NELL2: variants seen among roughly 807,000 people sequenced by gnomAD.
NELL2 encodes the protein neural EGFL like 2, also known as protein kinase C-binding protein NELL2.
NELL2 carries 41 observed loss-of-function variants against 109.6 expected under a neutral mutation model. The ratio of observed to expected loss-of-function variants is 0.37; its 90% CI spans 0.29 to 0.49. NELL2 has a LOEUF of 0.49. NELL2 is among the 20% of genes least tolerant of loss of function. NELL2 has a pLI of 0.98. For missense variants in NELL2, 900 were observed against 1,008.3 expected, an observed-to-expected ratio of 0.89 and a Z score of 1.45; for synonymous variants, 355 against 344.7, an observed-to-expected ratio of 1.03 and a Z score of -0.33.
At chr12:44,662,672 C>G (rs975218736) in intron 13 of NELL2, among the ~76,000 whole-genome samples, 7 of 152,072 alleles carry the variant, frequency 4.6e-5, no homozygotes, top group Non-Finnish European at 8.8e-5. Context: ...CTAGGTTAAA[C>G]AAATAAAGCA....
intron 15 of NELL2, among the ~76,000 whole-genome samples, chr12:44,592,404 T>G (rs763406002): frequency 6.6e-6 from 1 of 152,176 alleles, no homozygotes; most frequent in Non-Finnish European, 1.5e-5. Flanking sequence ...TAGGAAAATA[T>G]CTTGATTACT....
At chr12:44,550,928 C>T (rs11182536) in intron 15 of NELL2, among the ~76,000 whole-genome samples, 15,958 of 152,106 alleles carry the variant, frequency 0.1, 2,822 homozygotes, top group African/African-American at 0.36. Context: ...TAAGTAAGTT[C>T]TGGGTATCTA....
At chr12:44,594,144 G>A (rs183946159) in intron 15 of NELL2, among the ~76,000 whole-genome samples, 5 of 151,708 alleles carry the variant, frequency 3.3e-5, no homozygotes, top group Non-Finnish European at 7.4e-5. Flanking sequence ...CCTGTTGGGG[G>A]TGGCGGGATA....
At chr12:44,650,770 TC>T in intron 13 of NELL2, among the ~76,000 whole-genome samples, 1 of 141,054 alleles carries the variant, frequency 7.1e-6, no homozygotes, top group South Asian at 2.1e-4. Context: ...TTTCTTTCTT[TC>T]TTTCTTTCTT....
At chr12:44,598,807 C>T (rs1462870635) in intron 15 of NELL2, among the ~76,000 whole-genome samples, 1 of 151,034 alleles carries the variant, frequency 6.6e-6, no homozygotes, top group East Asian at 1.9e-4. Context: ...CCAGCATAGG[C>T]AGAATCCTTG....
intron 9 of NELL2, among the ~76,000 whole-genome samples, chr12:44,728,708 C>T (rs1939207558): frequency 6.6e-6 from 1 of 152,032 alleles, no homozygotes; most frequent in Admixed American, 6.6e-5. Flanking sequence ...AAGTCAAAGA[C>T]AAAGAGCATT....
intron 15 of NELL2, among the ~76,000 whole-genome samples, chr12:44,588,024 A>T (rs12296478): frequency 0.036 from 5,514 of 151,842 alleles, 352 homozygotes; most frequent in African/African-American, 0.13. Flanking sequence ...GGTGGCGGGC[A>T]CCTGTAGTCC....
chr12:44,652,754 C>T (rs1314574741), intron 13 of NELL2, among the ~76,000 whole-genome samples: 1 of 152,156 alleles, frequency 6.6e-6, no homozygotes, highest in African/African-American at 2.4e-5. Context: ...TTCCATAGGT[C>T]AGAAGTCCAA....
chr12:44,666,111 T>C (rs936089132), intron 12 of NELL2, among the ~76,000 whole-genome samples: 1 of 152,152 alleles, frequency 6.6e-6, no homozygotes, highest in Non-Finnish European at 1.5e-5. Flanking sequence ...AAAGTAGACA[T>C]ATAGCTATCC....
chr12:44,528,000 A>G (rs936500357), intron 16 of NELL2, among the ~76,000 whole-genome samples: 1 of 145,614 alleles, frequency 6.9e-6, no homozygotes, highest in Non-Finnish European at 1.5e-5. Context: ...AGGCTGAGGC[A>G]GGAGAATGGC....
intron 15 of NELL2, among the ~76,000 whole-genome samples, chr12:44,604,151 C>T (rs74324399): frequency 0.027 from 4,114 of 149,890 alleles, 181 homozygotes; most frequent in African/African-American, 0.094. Context: ...ATTCCTGGGA[C>T]GAAGCATGGC....
intron 15 of NELL2, 94 bp from the exon 16 acceptor site, chr12:44,532,815 G>T: frequency 8.8e-7 from 1 of 1,134,414 alleles, no homozygotes; most frequent in Non-Finnish European, 1.2e-6. Flanking sequence ...TTTAATGCCA[G>T]CAAATCCTTG....
At chr12:44,553,695 C>T (rs1943130450) in intron 15 of NELL2, among the ~76,000 whole-genome samples, 1 of 151,804 alleles carries the variant, frequency 6.6e-6, no homozygotes, top group African/African-American at 2.4e-5. Flanking sequence ...ACATGTACCC[C>T]CAAATATGCA....
At chr12:44,549,525 C>T (rs1016576487) in intron 15 of NELL2, among the ~76,000 whole-genome samples, 9 of 152,060 alleles carry the variant, frequency 5.9e-5, no homozygotes, top group African/African-American at 2.2e-4. Flanking sequence ...ACTATTGCTG[C>T]TAATACTTCC....
At chr12:44,729,329 C>T (rs1165442842) in intron 9 of NELL2, among the ~76,000 whole-genome samples, 1 of 151,316 alleles carries the variant, frequency 6.6e-6, no homozygotes, top group Non-Finnish European at 1.5e-5. Context: ...GTAACAACAA[C>T]AAAAATTCCT....
chr12:44,757,185 T>C (rs917613156), intron 9 of NELL2, among the ~76,000 whole-genome samples: 1 of 152,142 alleles, frequency 6.6e-6, no homozygotes, highest in Non-Finnish European at 1.5e-5. Context: ...ATTCTACCTC[T>C]CATATATACG....
intron 5 of NELL2, among the ~76,000 whole-genome samples, chr12:44,779,408 A>G (rs1941870701): frequency 6.6e-6 from 1 of 152,220 alleles, no homozygotes; most frequent in African/African-American, 2.4e-5. Flanking sequence ...GTTAATTCAA[A>G]GAATGACCTG....
At position 44,508,784 on chromosome 12, in the gene NELL2, T is replaced by C; in HGVS notation, c.*150A>G. 3.0e-6 allele frequency: 2 copies of C among 672,896 alleles called. No individual in the cohort carries two copies. Among genetic ancestry groups the C allele is most frequent in the Non-Finnish European group, 5.1e-6 (2 of 390,304 alleles). The allele number at this position is 672,896 out of a possible 1,614,324, so 41.7% of individuals were successfully genotyped here. A position where few individuals can be genotyped will look rare whatever the true frequency, so the allele number is the denominator to read the frequency against. On this transcript the variant is annotated 3_prime_UTR_variant, in exon 20 of 20. Coordinates refer to ENST00000429094, the MANE Select transcript of NELL2 (RefSeq NM_001145108.2). ...TTTTCCTTTTGTGATTTTGTCAAGC[T>C]CCACAAATTTCATAATTGAAAGTTC...
chr12:44,684,179 C>A (rs1313563547), intron 12 of NELL2, among the ~76,000 whole-genome samples: 1 of 152,166 alleles, frequency 6.6e-6, no homozygotes, highest in Non-Finnish European at 1.5e-5. Flanking sequence ...TTATCCATTT[C>A]TTCTAGATTT....
Sources: gnomAD v4.1 joint callset for allele counts (sites outside exome capture counted in the v4.1 genomes callset) on GRCh38, gnomAD v4.1.1 for gene constraint, MANE v1.5 for transcripts, NCBI Gene and HGNC (gene_info 2026-07-23, HGNC 2026-07-21) for gene names.